Variants in SDCCAG8 observed in about 807,000 individuals in gnomAD.
The protein encoded by SDCCAG8 is SHH signaling and ciliogenesis regulator SDCCAG8.
SDCCAG8 carries 74 observed loss-of-function variants against 101.8 expected under a neutral mutation model. The observed-to-expected ratio is 0.73, with a 90% CI of 0.60 to 0.88. The LOEUF (loss-of-function observed/expected upper bound fraction) is 0.88, where lower values mean the gene tolerates loss of function less well. Ranked by LOEUF, SDCCAG8 falls within the 40% of genes least tolerant of loss-of-function variation. The pLI, the probability that SDCCAG8 is intolerant of heterozygous loss-of-function variation, is 0.00. For missense variants in SDCCAG8, 787 were observed against 822.6 expected (o/e 0.96, Z 0.53); for synonymous variants, 281 against 292.9 (o/e 0.96, Z 0.41).
intron 16 of SDCCAG8, among the ~76,000 whole-genome samples, chr1:243,440,321 A>G (rs1383997475): frequency 1.3e-5 from 2 of 152,236 alleles, no homozygotes; most frequent in Non-Finnish European, 2.9e-5. Flanking sequence ...AATTAAAAAA[A>G]AAGGAAAAGA....
chr1:243,499,169 T>C (rs1455670806), intron 17 of SDCCAG8, among the ~76,000 whole-genome samples: 2 of 152,196 alleles, frequency 1.3e-5, no homozygotes, highest in African/African-American at 4.8e-5. Context: ...TGAAGCTACT[T>C]TGGAACATTT....
intron 15 of SDCCAG8, among the ~76,000 whole-genome samples, chr1:243,420,298 A>G (rs866600844): frequency 6.6e-5 from 10 of 152,258 alleles, no homozygotes; most frequent in Admixed American, 2.6e-4. Flanking sequence ...AGAATTGTGT[A>G]TATAGATACG....
intron 16 of SDCCAG8, among the ~76,000 whole-genome samples, chr1:243,461,914 G>C (rs1475813696): frequency 2.0e-5 from 3 of 152,072 alleles, no homozygotes; most frequent in African/African-American, 7.2e-5. Flanking sequence ...GAGCCCAAAT[G>C]GGTCATGACC....
In SDCCAG8 at chr1:243,438,080, G is replaced by A. The variant is rs546439460; in HGVS notation, c.1985+11522G>A. 5.0e-4 allele frequency among the ~76,000 whole-genome samples: 76 copies of A among 152,304 alleles called. 1 individual carries two copies. The highest frequency in any genetic ancestry group is 1.8e-3 in the African/African-American group (75 of 41,558). On this transcript the variant is annotated intron_variant, in intron 16 of 17. Transcript: ENST00000366541. ...TTCATATGAAAAAATAGTCTAGTCA[G>A]TGGGCAGTGGATGTCCTCATGCCCC...
chr1:243,372,109 C>T (rs899422088), intron 12 of SDCCAG8, among the ~76,000 whole-genome samples: 2 of 152,006 alleles, frequency 1.3e-5, no homozygotes, highest in African/African-American at 4.8e-5. Flanking sequence ...TATTTTCTCC[C>T]AAGTGATAGA....
intron 9 of SDCCAG8, chr1:243,318,181 G>C: frequency 2.4e-6 from 1 of 410,212 alleles, no homozygotes; most frequent in South Asian, 1.8e-5. Context: ...GCCATAAAAA[G>C]AATGAGATCC....
intron 12 of SDCCAG8, among the ~76,000 whole-genome samples, chr1:243,353,834 T>C (rs1203380366): frequency 6.6e-6 from 1 of 152,224 alleles, no homozygotes. Flanking sequence ...TATGCATATG[T>C]ATTTCATTTG....
At chr1:243,444,389 T>G (rs74731492) in intron 16 of SDCCAG8, among the ~76,000 whole-genome samples, 47 of 152,004 alleles carry the variant, frequency 3.1e-4, no homozygotes, top group Admixed American at 9.8e-4. Context: ...TTTTTTTTTT[T>G]GGGATGGAGT....
intron 16 of SDCCAG8, among the ~76,000 whole-genome samples, chr1:243,445,871 T>C (rs2082867079): frequency 6.6e-6 from 1 of 152,220 alleles, no homozygotes; most frequent in Admixed American, 6.5e-5. Flanking sequence ...ATCACTCCAC[T>C]GCGTTTTCAT....
Position 243,337,141 on chromosome 1 carries a change from A to T in SDCCAG8, c.1222-3898A>T, listed in dbSNP as rs2075065860. Among the ~76,000 whole-genome samples, 3 of 152,130 alleles carry T rather than the reference A, an allele frequency of 2.0e-5. No individual in the cohort carries two copies. In the South Asian group the frequency reaches 6.2e-4, roughly 32 times the overall value. On this transcript the variant is annotated intron_variant, in intron 10 of 17. Coordinates refer to ENST00000366541, the MANE Select transcript of SDCCAG8 (RefSeq NM_006642.5). ...TCAGCTAGGATTTTTATAGTTTGAT[A>T]TCTTACATTTAAATCTTCAATTCAT...
chr1:243,489,012 A>G lies in SDCCAG8; in HGVS notation c.1986-2A>G. 6.2e-7 allele frequency: 1 copy of G among 1,613,392 alleles called. No homozygotes were observed. The highest frequency in any genetic ancestry group is 1.3e-5 in the African/African-American group (1 of 75,048). Reference sequence around the variant, plus strand: ...TTAATTCTGCGGTGGATTTTTCTCCAGGCTAAGGCAGCTGGATAAGCACAG... The same window carrying G: ...TTAATTCTGCGGTGGATTTTTCTCCGGGCTAAGGCAGCTGGATAAGCACAG... On this transcript the variant is annotated splice_acceptor_variant, in intron 16 of 17. Coordinates refer to ENST00000366541, the MANE Select transcript of SDCCAG8 (RefSeq NM_006642.5). LOFTEE classifies it high-confidence loss of function.
At chr1:243,376,888 C>A (rs904172981) in intron 12 of SDCCAG8, among the ~76,000 whole-genome samples, 1 of 152,112 alleles carries the variant, frequency 6.6e-6, no homozygotes, top group Non-Finnish European at 1.5e-5. Context: ...ATTAATGTCA[C>A]CCTATTATCT....
chr1:243,333,081 A>G (rs2074742701), intron 10 of SDCCAG8, among the ~76,000 whole-genome samples: 1 of 152,240 alleles, frequency 6.6e-6, no homozygotes, highest in Non-Finnish European at 1.5e-5. Context: ...GACCACCTCA[A>G]CTATTTCTCT....
chr1:243,319,806 C>T (rs2073597400), intron 9 of SDCCAG8, among the ~76,000 whole-genome samples: 1 of 152,150 alleles, frequency 6.6e-6, no homozygotes, highest in South Asian at 2.1e-4. Context: ...TCTACTATAT[C>T]CCCTACTTCT....
intron 16 of SDCCAG8, among the ~76,000 whole-genome samples, chr1:243,453,657 C>T (rs964469245): frequency 3.3e-5 from 5 of 152,122 alleles, no homozygotes; most frequent in African/African-American, 7.2e-5. Context: ...TTGAAATGTT[C>T]GGTTGATAGA....
chr1:243,462,471 C>T (rs1173707012), intron 16 of SDCCAG8, among the ~76,000 whole-genome samples: 1 of 152,214 alleles, frequency 6.6e-6, no homozygotes, highest in African/African-American at 2.4e-5. Flanking sequence ...CTGTCATACA[C>T]ACATCCTTTT....
intron 12 of SDCCAG8, among the ~76,000 whole-genome samples, chr1:243,369,081 G>A (rs2077146202): frequency 6.6e-6 from 1 of 151,966 alleles, no homozygotes; most frequent in Non-Finnish European, 1.5e-5. Context: ...ATAATTTAAT[G>A]GTCTACATGG....
At chr1:243,374,681 A>G (rs1230651718) in intron 12 of SDCCAG8, among the ~76,000 whole-genome samples, 1 of 152,118 alleles carries the variant, frequency 6.6e-6, no homozygotes, top group East Asian at 1.9e-4. Flanking sequence ...TTTTCTTATT[A>G]AAGCTACCTG....
At chr1:243,447,975 A>G (rs1286837385) in intron 16 of SDCCAG8, among the ~76,000 whole-genome samples, 1 of 152,180 alleles carries the variant, frequency 6.6e-6, no homozygotes, top group Non-Finnish European at 1.5e-5. Context: ...CTTTGTGATC[A>G]TCTTTCACCC....
Sources: allele counts gnomAD v4.1 joint callset (sites outside exome capture counted in the v4.1 genomes callset), GRCh38; gene constraint gnomAD v4.1.1; transcripts MANE v1.5; gene names NCBI Gene and HGNC (gene_info 2026-07-23, HGNC 2026-07-21).